The following MEI4 variants were observed in gnomAD, a reference collection of about 807,000 sequenced individuals.
The protein encoded by MEI4 is meiotic double-stranded break formation protein 4.
MEI4 carries 27 observed loss-of-function variants against 31.4 expected under a neutral mutation model. The observed-to-expected ratio is 0.86, with a 90% CI of 0.63 to 1.19. MEI4 has a LOEUF of 1.19. MEI4 is among the 50% of genes most tolerant of loss of function. The pLI is 0.00. For synonymous variants in MEI4, 122 were observed against 145.4 expected (o/e 0.84, Z 1.16); for missense variants, 329 against 398.9 (o/e 0.82, Z 1.49).
At chr6:77,681,972 TTACAG>T (rs1457688634) in intron 1 of MEI4, among the ~76,000 whole-genome samples, 5 of 152,162 alleles carry the variant, frequency 3.3e-5, no homozygotes, top group Non-Finnish European at 5.9e-5. Context: ...ATAGAACACT[TTACAG>T]TACAGTATGT....
intron 4 of MEI4, among the ~76,000 whole-genome samples, chr6:77,888,576 C>T (rs1331459548): frequency 6.6e-6 from 1 of 152,092 alleles, no homozygotes; most frequent in Non-Finnish European, 1.5e-5. Context: ...AAGACTATTT[C>T]TCCTTCACTT....
At chr6:77,671,768 A>G (rs1302469410) in intron 1 of MEI4, among the ~76,000 whole-genome samples, 1 of 152,156 alleles carries the variant, frequency 6.6e-6, no homozygotes, top group African/African-American at 2.4e-5. Context: ...ATGAAGGGGA[A>G]TGAACAGGGC....
chr6:77,887,319 C>A (rs1029675725), intron 4 of MEI4, among the ~76,000 whole-genome samples: 5 of 151,006 alleles, frequency 3.3e-5, no homozygotes, highest in African/African-American at 1.2e-4. Context: ...GAGATGGAGT[C>A]TCACTTTTGT....
intron 3 of MEI4, among the ~76,000 whole-genome samples, chr6:77,776,780 G>C (rs1014616951): frequency 1.3e-5 from 2 of 152,166 alleles, no homozygotes; most frequent in African/African-American, 4.8e-5. Context: ...GTTTTCTGCA[G>C]CTTGCCAACA....
chr6:77,922,654 TATG>T (rs1766731274), intron 4 of MEI4, among the ~76,000 whole-genome samples: 1 of 151,702 alleles, frequency 6.6e-6, no homozygotes, highest in Non-Finnish European at 1.5e-5. Flanking sequence ...GAAGATTCAG[TATG>T]ATATCACATC....
chr6:77,754,272 T>C (rs1455733704), intron 2 of MEI4, among the ~76,000 whole-genome samples: 1 of 151,928 alleles, frequency 6.6e-6, no homozygotes, highest in East Asian at 1.9e-4. Context: ...AAATAAATAA[T>C]AAGTGAAGCT....
At chr6:77,908,054 T>G (rs531551420) in intron 4 of MEI4, among the ~76,000 whole-genome samples, 1 of 152,128 alleles carries the variant, frequency 6.6e-6, no homozygotes, top group South Asian at 2.1e-4. Flanking sequence ...ATTAGCCCTT[T>G]GTCAGATGAG....
At chr6:77,827,166 C>G (rs1197682889) in intron 3 of MEI4, among the ~76,000 whole-genome samples, 1 of 152,010 alleles carries the variant, frequency 6.6e-6, no homozygotes, top group East Asian at 1.9e-4. Context: ...CAAGACCATC[C>G]TGGCTAACAC....
At position 77,711,941 on chromosome 6, in the gene MEI4, A is replaced by G. The variant is rs142863254; in HGVS notation, c.232+21038A>G. The stretch of plus-strand genomic sequence containing the variant: ...GTACCATGATTTCTATGGTGTTAAG[A>G]GTCCTTAAATTAGTAGTAATACTCA... On this transcript the variant is annotated intron_variant, in intron 2 of 4. Transcript: ENST00000684080. Among the ~76,000 whole-genome samples, 6 of 152,314 alleles carry G rather than the reference A, an allele frequency of 3.9e-5. No homozygotes were observed. In the East Asian group the frequency reaches 7.7e-4, roughly 20 times the overall value.
intron 4 of MEI4, 34 bp downstream of exon 4, chr6:77,829,096 T>C (rs1274910497): frequency 2.5e-6 from 3 of 1,221,642 alleles, no homozygotes; most frequent in Non-Finnish European, 3.1e-6. Context: ...TTCTCATATA[T>C]AGTTATTGTA....
intron 2 of MEI4, among the ~76,000 whole-genome samples, chr6:77,747,968 G>C (rs151314701): frequency 1.3e-5 from 2 of 152,198 alleles, no homozygotes; most frequent in African/African-American, 2.4e-5. Context: ...AGAATCCAGT[G>C]GGGTAGTCAA....
At chr6:77,922,746 G>T (rs961493253) in intron 4 of MEI4, among the ~76,000 whole-genome samples, 1 of 151,500 alleles carries the variant, frequency 6.6e-6, no homozygotes, top group Non-Finnish European at 1.5e-5. Flanking sequence ...AAAAGTTTTG[G>T]CAAAAGATTG....
intron 3 of MEI4, among the ~76,000 whole-genome samples, chr6:77,794,490 G>C (rs576287707): frequency 2.6e-5 from 4 of 152,152 alleles, no homozygotes; most frequent in Non-Finnish European, 5.9e-5. Flanking sequence ...ATGAACTCTG[G>C]AGGCAGAGCT....
At chr6:77,803,948 A>C (rs6933951) in intron 3 of MEI4, among the ~76,000 whole-genome samples, 2 of 151,950 alleles carry the variant, frequency 1.3e-5, no homozygotes, top group South Asian at 4.1e-4. Context: ...CCGTCTGTCC[A>C]TTCTCAGATC....
chr6:77,830,327 G>A (rs1222758835), intron 4 of MEI4, among the ~76,000 whole-genome samples: 2 of 152,014 alleles, frequency 1.3e-5, no homozygotes, highest in East Asian at 1.9e-4. Context: ...AATTGAATTC[G>A]ATTGTTTGGA....
chr6:77,651,518 T>C (rs1768298564), upstream of MEI4, among the ~76,000 whole-genome samples: 1 of 152,234 alleles, frequency 6.6e-6, no homozygotes, highest in South Asian at 2.1e-4. Flanking sequence ...TTTTGTAAAA[T>C]TGATTACACA....
intron 4 of MEI4, among the ~76,000 whole-genome samples, chr6:77,899,156 A>G (rs192779757): frequency 3.3e-5 from 5 of 152,148 alleles, no homozygotes; most frequent in Admixed American, 3.3e-4. Context: ...GCATATGAAC[A>G]TATTTTGCCA....
In MEI4 at chr6:77,690,657, G is replaced by C; in HGVS notation, c.-14-1G>C. 8.2e-7 allele frequency: 1 copy of C among 1,213,864 alleles called. No homozygotes were observed. Among genetic ancestry groups the C allele is most frequent in the Non-Finnish European group, 1.0e-6 (1 of 971,466 alleles). 75.2% of individuals were successfully genotyped at this position (1,213,864 alleles called of 1,614,324 possible). On this transcript the variant is annotated splice_acceptor_variant, in intron 1 of 4. Coordinates refer to ENST00000684080, the MANE Select transcript of MEI4 (RefSeq NM_001322247.2). LOFTEE classifies it low-confidence loss of function (5UTR_SPLICE). ...ATAACTTTTTTCTTATTAAATGATA[G>C]GGACAAAAGCCAGGATGGATGTTCA... is the stretch of plus-strand genomic sequence containing the variant.
chr6:77,756,013 C>A (rs572057618), intron 2 of MEI4, among the ~76,000 whole-genome samples: 1 of 152,044 alleles, frequency 6.6e-6, no homozygotes, highest in Admixed American at 6.6e-5. Flanking sequence ...TTACAGAAAG[C>A]GGCACCAGCA....
Sources: gnomAD v4.1 joint callset for allele counts (sites outside exome capture counted in the v4.1 genomes callset) on GRCh38, gnomAD v4.1.1 for gene constraint, MANE v1.5 for transcripts, NCBI Gene and HGNC (gene_info 2026-07-23, HGNC 2026-07-21) for gene names.